PAK1IP1: variants seen among roughly 807,000 people sequenced by gnomAD.
PAK1IP1 encodes the protein p21-activated protein kinase-interacting protein 1.
PAK1IP1 carries 24 observed loss-of-function variants against 42.0 expected under a neutral mutation model. That is an observed-to-expected ratio of 0.57 (90% CI 0.41 to 0.80). The LOEUF is 0.80. Ranked by LOEUF, PAK1IP1 falls within the 30% of genes least tolerant of loss-of-function variation. The probability of loss-of-function intolerance (pLI) is 0.00; values close to 1 mark genes in which losing one functional copy is unlikely to be tolerated. For missense variants in PAK1IP1, 411 were observed against 467.9 expected (o/e 0.88, Z 1.12); for synonymous variants, 154 against 156.7 (o/e 0.98, Z 0.13).
chr6:10,697,107 A>G (rs1016453585), intron 1 of PAK1IP1, among the ~76,000 whole-genome samples: 10 of 152,058 alleles, frequency 6.6e-5, no homozygotes, highest in African/African-American at 2.4e-4. Context: ...CTTCCTCATC[A>G]AGTCTCAAGT....
upstream of PAK1IP1, chr6:10,694,624 C>T (rs1769711259): frequency 1.0e-5 from 2 of 191,728 alleles, no homozygotes; most frequent in South Asian, 8.9e-5. Context: ...GTCGGCCCCA[C>T]CTCCTCCTGA....
intron 1 of PAK1IP1, among the ~76,000 whole-genome samples, chr6:10,695,832 T>C (rs1316435602): frequency 1.3e-5 from 2 of 152,174 alleles, no homozygotes; most frequent in African/African-American, 4.8e-5. Flanking sequence ...GGTCTTTAAT[T>C]ATCCAGAAAA....
chr6:10,694,588 TACA>T, upstream of PAK1IP1: 1 of 176,920 alleles, frequency 5.7e-6, no homozygotes, highest in Non-Finnish European at 1.2e-5. Context: ...CTGCCGGCGC[TACA>T]GCCCCTAAGC....
intron 1 of PAK1IP1, among the ~76,000 whole-genome samples, chr6:10,696,198 C>T (rs1187891335): frequency 6.6e-6 from 1 of 152,098 alleles, no homozygotes; most frequent in African/African-American, 2.4e-5. Flanking sequence ...AACCATTACC[C>T]TATACTTCTA....
chr6:10,708,910 T>C, intron 8 of PAK1IP1, 43 bp from the exon 9 acceptor site: 1 of 1,503,960 alleles, frequency 6.6e-7, no homozygotes, highest in Non-Finnish European at 9.0e-7. Flanking sequence ...GAAAAAGAAA[T>C]TATTGAAAAT....
Position 10,694,997 on chromosome 6 carries a change from C to G in PAK1IP1, c.12C>G (p.Val4=). Residue 4 remains valine (V), a synonymous_variant, in exon 1 of 10, where the codon GTC becomes GTG. Coordinates refer to ENST00000379568, the MANE Select transcript of PAK1IP1 (RefSeq NM_017906.3). ...ACGTGCGCTGCTGAATGGAGCTGGT[C>G]GCTGGTTGCTACGAGCAGGTCCTCT... MEL[V]AGCYEQVLFG... is the part of the protein sequence containing the mutation. 2 of 1,596,656 alleles carry G rather than the reference C, an allele frequency of 1.3e-6. No homozygotes were observed. The highest frequency in any genetic ancestry group is 1.7e-6 in the Non-Finnish European group (2 of 1,178,596).
At chr6:10,696,515 C>T (rs1419253678) in intron 1 of PAK1IP1, among the ~76,000 whole-genome samples, 3 of 152,200 alleles carry the variant, frequency 2.0e-5, no homozygotes, top group African/African-American at 7.2e-5. Context: ...GCTTCGCACT[C>T]ATCCAATCAG....
At chr6:10,708,907 A>T in intron 8 of PAK1IP1, 46 bp from the exon 9 acceptor site, 1 of 1,495,122 alleles carries the variant, frequency 6.7e-7, no homozygotes, top group Non-Finnish European at 9.1e-7. Flanking sequence ...ATGGAAAAAG[A>T]AATTATTGAA....
chr6:10,699,059 G>T (rs2127479097), intron 2 of PAK1IP1, among the ~76,000 whole-genome samples: 1 of 152,190 alleles, frequency 6.6e-6, no homozygotes, highest in South Asian at 2.1e-4. Context: ...CCTTAGCTGG[G>T]CATGGTGGCA....
intron 2 of PAK1IP1, among the ~76,000 whole-genome samples, chr6:10,701,295 T>A (rs1243027745): frequency 6.6e-6 from 1 of 152,144 alleles, no homozygotes; most frequent in Non-Finnish European, 1.5e-5. Context: ...CAGGCTGGTA[T>A]TGAACTCCTG....
chr6:10,694,260 C>CA (rs57435593), upstream of PAK1IP1, among the ~76,000 whole-genome samples: 2,948 of 62,336 alleles, frequency 0.047, 70 homozygotes, highest in East Asian at 0.065. Context: ...AACTCCGTCT[C>CA]AAAAAAAAAA....
intron 7 of PAK1IP1, 57 bp from the exon 8 acceptor site, chr6:10,707,355 TAAC>T: frequency 1.0e-6 from 1 of 953,130 alleles, no homozygotes; most frequent in Non-Finnish European, 1.7e-6. Flanking sequence ...TGTAATTTTA[TAAC>T]AATATTAGAC....
At chr6:10,693,232 G>T (rs1468384859), upstream of PAK1IP1, among the ~76,000 whole-genome samples, 1 of 152,200 alleles carries the variant, frequency 6.6e-6, no homozygotes, top group Non-Finnish European at 1.5e-5. Context: ...ACCCAAAGGC[G>T]TAAGGGACAA....
chr6:10,702,085 C>T (rs922772815), intron 2 of PAK1IP1, among the ~76,000 whole-genome samples: 11 of 151,876 alleles, frequency 7.2e-5, no homozygotes, highest in African/African-American at 2.2e-4. Flanking sequence ...ACAAAAAATA[C>T]AAAAATTAGC....
chr6:10,697,463 A>C lies in PAK1IP1; in HGVS notation c.224A>C (p.His75Pro), dbSNP rs781604474. ...TATGACATGAAAAAGAAGATTGAGC[A>C]TGGGGCTCTAGTGCATCACAGTGGT... ...HIYDMKKKIE[H>P]GALVHHSGTI... The change falls in exon 2 of 10, where the codon CAT becomes CCT. Residue 75 changes from histidine to proline, a missense_variant. Physicochemically the swap from His to Pro is moderately conservative, Grantham distance 77. Transcript: ENST00000379568. 6.2e-7 allele frequency: 1 copy of C among 1,613,934 alleles called. No individual in the cohort carries two copies. The highest frequency in any genetic ancestry group is 8.5e-7 in the Non-Finnish European group (1 of 1,179,808).
At chr6:10,708,353 CATATG>C (rs1310337130) in intron 8 of PAK1IP1, among the ~76,000 whole-genome samples, 1 of 152,058 alleles carries the variant, frequency 6.6e-6, no homozygotes, top group Non-Finnish European at 1.5e-5. Flanking sequence ...CATGTTATAG[CATATG>C]TTAGTACTTC....
rs768709380 is a variant in PAK1IP1 at position 10,709,305 on chromosome 6, G to A, written c.1032G>A (p.Arg344=). 3.1e-6 allele frequency: 5 copies of A among 1,613,978 alleles called. No homozygotes were observed. Among genetic ancestry groups the A allele is most frequent in the Non-Finnish European group, 4.2e-6 (5 of 1,179,970 alleles). ...ACACAGTGCACAAAGAAGAAAAGCG[G>A]TCAAAACCTAACACAAAGAAACGCG... The part of the protein sequence containing the change: ...PGDTVHKEEK[R]SKPNTKKRGL... The change falls in exon 10 of 10, where the codon CGG becomes CGA. Residue 344 remains arginine (R), a synonymous_variant. Coordinates refer to ENST00000379568, the MANE Select transcript of PAK1IP1 (RefSeq NM_017906.3).
intron 8 of PAK1IP1, 22 bp from the exon 9 acceptor site, chr6:10,708,931 A>G: frequency 1.9e-6 from 3 of 1,571,884 alleles, no homozygotes; most frequent in Non-Finnish European, 2.6e-6. Flanking sequence ...GCACATTATG[A>G]ATGTTTGTTT....
At position 10,704,791 on chromosome 6, in the gene PAK1IP1, T is replaced by G; in HGVS notation, c.687T>G (p.Phe229Leu). The change falls in exon 7 of 10, where the codon TTT (phenylalanine) becomes TTG (leucine). Residue 229 changes from phenylalanine (F) to leucine (L), a missense_variant. Transcript: ENST00000379568. ...CTGGAGATGAAGAAGTTATAAGGTT[T>G]TTTGACTGTGATTCACTAGTGTGCC... The part of the protein sequence containing the change: ...AVAGDEEVIR[F>L]FDCDSLVCLC... The G allele has an allele frequency of 6.2e-7, 1 of 1,614,000 alleles. No homozygotes were observed. Among genetic ancestry groups the G allele is most frequent in the Non-Finnish European group, 8.5e-7 (1 of 1,179,830 alleles).
Sources: gnomAD v4.1 joint callset for allele counts (sites outside exome capture counted in the v4.1 genomes callset) on GRCh38, gnomAD v4.1.1 for gene constraint, MANE v1.5 for transcripts, NCBI Gene and HGNC (gene_info 2026-07-23, HGNC 2026-07-21) for gene names.